Variants in C1orf146 observed in about 807,000 individuals in gnomAD.
C1orf146 encodes chromosome 1 open reading frame 146.
In C1orf146, 22 loss-of-function variants were observed where a neutral mutation model predicts 23.0. That is an observed-to-expected ratio of 0.96 (90% CI 0.68 to 1.36). C1orf146 has a LOEUF of 1.36. Ranked by LOEUF, C1orf146 falls within the 40% of genes most tolerant of loss-of-function variation. C1orf146 has a pLI of 0.00. For missense variants in C1orf146, 199 were observed against 206.8 expected, an observed-to-expected ratio of 0.96 and a Z score of 0.23; for synonymous variants, 59 against 65.3, an observed-to-expected ratio of 0.90 and a Z score of 0.47.
intron 1 of C1orf146, among the ~76,000 whole-genome samples, chr1:92,222,988 G>A (rs892976906): frequency 6.6e-6 from 1 of 152,184 alleles, no homozygotes; most frequent in Non-Finnish European, 1.5e-5. Flanking sequence ...AGTGACTCGG[G>A]TTATGTGTAT....
chr1:92,233,716 C>A (rs936450128), intron 2 of C1orf146, among the ~76,000 whole-genome samples: 84 of 152,114 alleles, frequency 5.5e-4, no homozygotes, highest in East Asian at 1.9e-3. Flanking sequence ...GGCCATTTTC[C>A]CGATATTGAT....
At position 92,244,242 on chromosome 1, in the gene C1orf146, T is replaced by G; in HGVS notation, c.186T>G (p.Thr62=). 6.3e-7 allele frequency: 1 copy of G among 1,599,326 alleles called. No individual in the cohort carries two copies. Among genetic ancestry groups the G allele is most frequent in the South Asian group, 1.1e-5 (1 of 89,820 alleles). Residue 62 remains threonine, a synonymous_variant, in exon 4 of 6, where the codon ACT becomes ACG. Transcript: ENST00000370375. ...GAGTTGCATTTTTATTAATGGATAC[T>G]AAGGAATGTCTTCTGTCAACTGAAG... ...LSGVAFLLMD[T]KECLLSTEEI... is the part of the protein sequence containing the mutation.
chr1:92,228,646 T>A (rs541927612), intron 1 of C1orf146, among the ~76,000 whole-genome samples: 1 of 152,174 alleles, frequency 6.6e-6, no homozygotes, highest in South Asian at 2.1e-4. Flanking sequence ...GACACATTAA[T>A]ACCCTGCACA....
At chr1:92,232,912 G>A (rs917913160) in intron 2 of C1orf146, among the ~76,000 whole-genome samples, 1 of 152,096 alleles carries the variant, frequency 6.6e-6, no homozygotes, top group African/African-American at 2.4e-5. Flanking sequence ...GTCTTCTTTT[G>A]GGAAGTGTCT....
At chr1:92,234,960 C>A (rs1168960277) in intron 2 of C1orf146, among the ~76,000 whole-genome samples, 1 of 152,002 alleles carries the variant, frequency 6.6e-6, no homozygotes, top group South Asian at 2.1e-4. Flanking sequence ...TGGTGATATC[C>A]CCTTTATCAT....
chr1:92,244,092 A>G, intron 3 of C1orf146, 125 bp from the exon 4 acceptor site: 1 of 628,654 alleles, frequency 1.6e-6, no homozygotes, highest in East Asian at 2.7e-5. Flanking sequence ...AGTACTTTCT[A>G]TTCCTTATGA....
intron 4 of C1orf146, 117 bp from the exon 5 acceptor site, chr1:92,244,662 A>AG: frequency 1.5e-6 from 1 of 683,494 alleles, no homozygotes; most frequent in Non-Finnish European, 2.5e-6. Context: ...GGAGTAAGGC[A>AG]GGGCATGAAT....
intron 5 of C1orf146, among the ~76,000 whole-genome samples, chr1:92,245,169 G>A (rs1416046727): frequency 6.6e-6 from 1 of 152,120 alleles, no homozygotes; most frequent in Non-Finnish European, 1.5e-5. Flanking sequence ...CGGTCAGAGT[G>A]CAAGCATACT....
At chr1:92,228,538 A>G (rs1005622021) in intron 1 of C1orf146, among the ~76,000 whole-genome samples, 11 of 152,312 alleles carry the variant, frequency 7.2e-5, no homozygotes, top group African/African-American at 2.6e-4. Context: ...TTTTCTAGAT[A>G]CAGCTGTGAC....
chr1:92,238,981 A>T (rs1652364716), intron 2 of C1orf146, among the ~76,000 whole-genome samples: 1 of 151,948 alleles, frequency 6.6e-6, no homozygotes, highest in South Asian at 2.1e-4. Flanking sequence ...CCAGTCTTGA[A>T]CTCCTGAGCT....
chr1:92,238,131 G>T (rs1484217674), intron 2 of C1orf146, among the ~76,000 whole-genome samples: 3 of 152,114 alleles, frequency 2.0e-5, no homozygotes, highest in Non-Finnish European at 2.9e-5. Flanking sequence ...GTTTCACCAT[G>T]TTGGCCAGGC....
chr1:92,236,899 G>A (rs1019039220), intron 2 of C1orf146, among the ~76,000 whole-genome samples: 7 of 151,970 alleles, frequency 4.6e-5, no homozygotes, highest in African/African-American at 1.4e-4. Flanking sequence ...AGTTGATCGC[G>A]TTGGCTCCTG....
chr1:92,233,598 T>G (rs1249780899), intron 2 of C1orf146, among the ~76,000 whole-genome samples: 1 of 152,166 alleles, frequency 6.6e-6, no homozygotes, highest in Non-Finnish European at 1.5e-5. Context: ...TGAGGGCTCT[T>G]TTTTGGTTCC....
At chr1:92,241,948 A>AT (rs531955005) in intron 2 of C1orf146, among the ~76,000 whole-genome samples, 113 of 152,296 alleles carry the variant, frequency 7.4e-4, no homozygotes, top group Middle Eastern at 3.4e-3. Context: ...CAGTTTTTTA[A>AT]TGCTGTCTTT....
intron 2 of C1orf146, among the ~76,000 whole-genome samples, chr1:92,232,454 G>A (rs1268640933): frequency 6.6e-6 from 1 of 151,984 alleles, no homozygotes; most frequent in East Asian, 1.9e-4. Context: ...ATTTTTTGTG[G>A]CTGCATAGTA....
Position 92,219,534 on chromosome 1 carries a change from C to T in C1orf146, c.-40+1486C>T, listed in dbSNP as rs140733486. Among the ~76,000 whole-genome samples the T allele has an allele frequency of 6.5e-3, 752 of 116,554 alleles. 4 individuals carry two copies. The highest frequency in any genetic ancestry group is 0.021 in the African/African-American group (660 of 31,322). The allele number at this position is 116,554 out of a possible 152,430, so 76.5% of individuals were successfully genotyped here. ...TTTTTTTTTTTTTAAGACAGAGTCT[C>T]GCTCTATCACCCACGCTGGAGTGCA... On this transcript the variant is annotated intron_variant, in intron 1 of 5. Transcript: ENST00000370375.
chr1:92,244,755 T>A, intron 4 of C1orf146, 24 bp from the exon 5 acceptor site: 1 of 1,420,844 alleles, frequency 7.0e-7, no homozygotes, highest in Non-Finnish European at 9.9e-7. Context: ...TTATATGATC[T>A]GTATAACATG....
intron 1 of C1orf146, chr1:92,229,508 G>T: frequency 2.3e-6 from 1 of 433,390 alleles, no homozygotes. Context: ...CCCCATTCTG[G>T]ACCTGATCCG....
At position 92,232,356 on chromosome 1, in the gene C1orf146, G is replaced by A. The variant is rs376938823; in HGVS notation, c.66+870G>A. Among the ~76,000 whole-genome samples, 6 of 148,996 alleles carry A rather than the reference G, an allele frequency of 4.0e-5. 1 individual carries two copies. Among genetic ancestry groups the A allele is most frequent in the East Asian group, 2.0e-4 (1 of 5,034 alleles). Reference sequence around the variant, plus strand: ...TTTCCACCTATGAGTGAGAACATGCGGTGTTTGGTTTTTTGTCCTTGCGAT... The same window carrying A: ...TTTCCACCTATGAGTGAGAACATGCAGTGTTTGGTTTTTTGTCCTTGCGAT... On this transcript the variant is annotated intron_variant, in intron 2 of 5. Transcript: ENST00000370375.
Sources: gnomAD v4.1 joint callset for allele counts (sites outside exome capture counted in the v4.1 genomes callset) on GRCh38, gnomAD v4.1.1 for gene constraint, MANE v1.5 for transcripts, NCBI Gene and HGNC (gene_info 2026-07-23, HGNC 2026-07-21) for gene names.